The following PRRG4 variants were observed in gnomAD, a reference collection of about 807,000 sequenced individuals.
PRRG4 encodes the protein transmembrane gamma-carboxyglutamic acid protein 4.
In PRRG4, 12 loss-of-function variants were observed where a neutral mutation model predicts 20.0. The observed-to-expected ratio is 0.60, with a 90% CI of 0.38 to 0.97. The LOEUF (loss-of-function observed/expected upper bound fraction) is 0.97. PRRG4 is among the 50% of genes least tolerant of loss of function. PRRG4 has a pLI of 0.00. For missense variants in PRRG4, 199 were observed against 265.1 expected, an observed-to-expected ratio of 0.75 and a Z score of 1.73; for synonymous variants, 94 against 96.4, an observed-to-expected ratio of 0.98 and a Z score of 0.15.
chr11:32,832,051 C>G (rs1024496124), intron 2 of PRRG4, among the ~76,000 whole-genome samples: 1 of 152,086 alleles, frequency 6.6e-6, no homozygotes, highest in African/African-American at 2.4e-5. Context: ...AAGGACACCA[C>G]AAGCTATGGA....
intron 1 of PRRG4, 35 bp from the exon 2 acceptor site, chr11:32,830,473 C>CTTTT: frequency 8.4e-7 from 1 of 1,194,390 alleles, no homozygotes; most frequent in Non-Finnish European, 1.1e-6. Flanking sequence ...AGCTAGGGGC[C>CTTTT]TTTTTTTTTT....
intron 5 of PRRG4, among the ~76,000 whole-genome samples, chr11:32,844,467 CTATTAT>C (rs148170116): frequency 0.035 from 5,006 of 143,130 alleles, 145 homozygotes; most frequent in African/African-American, 0.076. Context: ...TAAATGTTAG[CTATTAT>C]TATTATTATT....
Position 32,836,731 on chromosome 11 carries a change from C to G in PRRG4, c.177C>G (p.Leu59=). The part of the protein sequence containing the change: ...RLLYNRFDLE[L]FTPGNLEREC... ...TGTATAATAGATTTGATCTGGAGCT[C>G]TTCACTCCCGGCAACCTAGAAAGAG... Residue 59 remains leucine (L), a synonymous_variant, in exon 3 of 6, where the codon CTC becomes CTG. Transcript: ENST00000257836. 6.2e-7 allele frequency: 1 copy of G among 1,612,716 alleles called. No homozygotes were observed. Among genetic ancestry groups the G allele is most frequent in the Non-Finnish European group, 8.5e-7 (1 of 1,178,868 alleles).
chr11:32,853,462 CCAT>C lies in PRRG4; in HGVS notation c.617_619del (p.Pro206_Tyr207delinsHis). 1 of 1,614,142 alleles carries C rather than the reference CCAT, an allele frequency of 6.2e-7. No individual in the cohort carries two copies. The highest frequency in any genetic ancestry group is 8.5e-7 in the Non-Finnish European group (1 of 1,180,020). On this transcript the variant is annotated inframe_deletion, in exon 6 of 6. Transcript: ENST00000257836. ...AAAACACAGTGTTTCACCACCACCA[CCAT>C]ATCCTGGGCACACAAAAGGATTTAG...
chr11:32,847,417 C>A (rs1400301063), intron 5 of PRRG4, among the ~76,000 whole-genome samples: 2 of 152,066 alleles, frequency 1.3e-5, no homozygotes, highest in Non-Finnish European at 2.9e-5. Context: ...ATCAAAACCA[C>A]AGTGAGAGCC....
intron 1 of PRRG4, 111 bp from the exon 2 acceptor site, chr11:32,830,397 G>C (rs1850956365): frequency 1.0e-6 from 1 of 978,106 alleles, no homozygotes. Flanking sequence ...CGCGCCGGGC[G>C]CTCTTGCGCC....
chr11:32,840,955 G>A lies in PRRG4; in HGVS notation c.449+716G>A, dbSNP rs1851071812. Among the ~76,000 whole-genome samples, 1 of 151,754 alleles carries A rather than the reference G, an allele frequency of 6.6e-6. No individual in the cohort carries two copies. On this transcript the variant is annotated intron_variant, in intron 5 of 5. Transcript: ENST00000257836. The surrounding 1 kb of genome is among the most constrained non-coding windows in gnomAD (Gnocchi z 4.1). ...TAGCACATTGATAAAGCTTCAGAAA[G>A]ATTCATAAAGGCCATAATTGTTTGC...
intron 2 of PRRG4, among the ~76,000 whole-genome samples, chr11:32,835,881 A>G (rs1851015227): frequency 6.6e-6 from 1 of 152,144 alleles, no homozygotes; most frequent in Admixed American, 6.6e-5. Context: ...AGGTGGGTGG[A>G]TCATGAGGTC....
In PRRG4 at chr11:32,830,640, C is replaced by T. The variant is rs61889490; in HGVS notation, c.103+8C>T. 132,778 of 1,612,166 alleles carry T rather than the reference C, an allele frequency of 0.082. 6,237 individuals are homozygous for T. Among genetic ancestry groups the T allele is most frequent in the Non-Finnish European group, 0.092 (108,840 of 1,178,830 alleles). On this transcript the variant is annotated splice_region_variant and intron_variant, in intron 2 of 5. Transcript: ENST00000257836. ...AGCATGCGGGAGAAGAAGGTAAGCA[C>T]TAAAACGTCCCTGGAACCCAGAGCC...
In PRRG4 at chr11:32,853,528, C is replaced by A. The variant is rs12795159; in HGVS notation, c.*1C>A. 47 of 1,605,784 alleles carry A rather than the reference C, an allele frequency of 2.9e-5. No individual in the cohort carries two copies. The highest frequency in any genetic ancestry group is 3.9e-5 in the Non-Finnish European group (46 of 1,173,876). On this transcript the variant is annotated 3_prime_UTR_variant, in exon 6 of 6. Coordinates refer to ENST00000257836, the MANE Select transcript of PRRG4 (RefSeq NM_024081.6). ...ATCTATGTCTCTCCCATCTCACTGACTACCTTGTCATTTTGGTATAAGAAA... is the reference window on the plus strand; with the variant it reads ...ATCTATGTCTCTCCCATCTCACTGAATACCTTGTCATTTTGGTATAAGAAA...
At chr11:32,851,682 T>G (rs1308612114) in intron 5 of PRRG4, among the ~76,000 whole-genome samples, 1 of 152,236 alleles carries the variant, frequency 6.6e-6, no homozygotes, top group Non-Finnish European at 1.5e-5. Flanking sequence ...GGCAGTATTT[T>G]GGGCCTGCTA....
At chr11:32,837,534 TG>T (rs1565113840) in intron 3 of PRRG4, among the ~76,000 whole-genome samples, 66 of 104,944 alleles carry the variant, frequency 6.3e-4, no homozygotes, top group Middle Eastern at 4.6e-3. Flanking sequence ...ATGATGATGA[TG>T]ATGATGATTA....
intron 5 of PRRG4, among the ~76,000 whole-genome samples, chr11:32,850,403 T>G (rs535339340): frequency 6.6e-6 from 1 of 152,324 alleles, no homozygotes; most frequent in African/African-American, 2.4e-5. Flanking sequence ...GGGTGTGTTA[T>G]TATAAAATTT....
intron 2 of PRRG4, among the ~76,000 whole-genome samples, chr11:32,833,865 A>G (rs1850996662): frequency 6.6e-6 from 1 of 152,180 alleles, no homozygotes; most frequent in Non-Finnish European, 1.5e-5. Context: ...TACTATGGAG[A>G]AAGGCAGAGT....
chr11:32,841,640 C>T (rs898604605), intron 5 of PRRG4, among the ~76,000 whole-genome samples: 2 of 151,914 alleles, frequency 1.3e-5, no homozygotes, highest in African/African-American at 4.8e-5. Flanking sequence ...ACTCCTATCT[C>T]TATAAAAAAA....
rs373648250 is a variant in PRRG4 at position 32,838,454 on chromosome 11, G to GA, written c.268-415dup. On this transcript the variant is annotated intron_variant, in intron 3 of 5. Coordinates refer to ENST00000257836, the MANE Select transcript of PRRG4 (RefSeq NM_024081.6). ...TTGGGCAACAGAGTAATCCTGTCCG[G>GA]AAAAAAAAAAAAATCTCCTGAGACA... 5.7e-3 allele frequency among the ~76,000 whole-genome samples: 811 copies of GA among 142,684 alleles called. 3 individuals carry two copies. The highest frequency in any genetic ancestry group is 0.046 in the Middle Eastern group (13 of 280). The allele number at this position is 142,684 out of a possible 152,430, so 93.6% of individuals were successfully genotyped here.
Position 32,830,642 on chromosome 11 carries a change from A to T in PRRG4, c.103+10A>T. On this transcript the variant is annotated intron_variant, in intron 2 of 5. Transcript: ENST00000257836. ...CATGCGGGAGAAGAAGGTAAGCACT[A>T]AAACGTCCCTGGAACCCAGAGCCGC... 6.2e-7 allele frequency: 1 copy of T among 1,613,900 alleles called. No individual in the cohort carries two copies. The highest frequency in any genetic ancestry group is 8.5e-7 in the Non-Finnish European group (1 of 1,179,954).
chr11:32,840,575 C>T lies in PRRG4; in HGVS notation c.449+336C>T, dbSNP rs1851068064. Among the ~76,000 whole-genome samples the T allele has an allele frequency of 6.6e-6, 1 of 152,210 alleles. No homozygotes were observed. Among genetic ancestry groups the T allele is most frequent in the South Asian group, 2.1e-4 (1 of 4,830 alleles). ...GCTGCAGGATCCAGTCAAGTTACCA[C>T]ATTGCATTTAGCTGTCATGTCTTCC... On this transcript the variant is annotated intron_variant, in intron 5 of 5. Coordinates refer to ENST00000257836, the MANE Select transcript of PRRG4 (RefSeq NM_024081.6). This position sits in a 1 kb window ranked among gnomAD's most constrained non-coding sequence, Gnocchi z 4.1.
chr11:32,830,319 G>A (rs1850955159), intron 1 of PRRG4, 146 bp downstream of exon 1: 1 of 842,854 alleles, frequency 1.2e-6, no homozygotes, highest in Admixed American at 3.9e-5. Flanking sequence ...CACTGGGCAC[G>A]GCGTTTGTCC....
Sources: allele counts gnomAD v4.1 joint callset (sites outside exome capture counted in the v4.1 genomes callset), GRCh38; gene constraint gnomAD v4.1.1; non-coding constraint Gnocchi (gnomAD v3.1); transcripts MANE v1.5; gene names NCBI Gene and HGNC (gene_info 2026-07-23, HGNC 2026-07-21).